RGS7: variants seen among roughly 807,000 people sequenced by gnomAD.
RGS7 encodes the protein regulator of G protein signaling 7.
A neutral mutation model predicts 81.1 loss-of-function variants in RGS7; 27 were observed. That is an observed-to-expected ratio of 0.33 (90% CI 0.25 to 0.46). The LOEUF is 0.46. Among genes scored for constraint, RGS7 ranks in the 20% least tolerant of loss-of-function variants. RGS7 has a pLI of 1.00. For missense variants in RGS7, 396 were observed against 607.4 expected, an observed-to-expected ratio of 0.65 and a Z score of 3.66; for synonymous variants, 208 against 207.7, an observed-to-expected ratio of 1.00 and a Z score of -0.01.
intron 3 of RGS7, among the ~76,000 whole-genome samples, chr1:241,068,846 G>A (rs923436184): frequency 6.6e-6 from 1 of 152,142 alleles, no homozygotes; most frequent in Non-Finnish European, 1.5e-5. Flanking sequence ...GGAGGTGACC[G>A]GATCATGAGG....
intron 3 of RGS7, among the ~76,000 whole-genome samples, chr1:241,036,030 C>T (rs1444062750): frequency 3.9e-5 from 6 of 152,140 alleles, no homozygotes. Context: ...CTTCAAGCCT[C>T]TCAAAGTACC....
At chr1:241,294,516 A>G (rs189726601) in intron 2 of RGS7, among the ~76,000 whole-genome samples, 66 of 152,352 alleles carry the variant, frequency 4.3e-4, no homozygotes, top group Admixed American at 8.5e-4. Flanking sequence ...ATTATTGAAG[A>G]AAAGGAAATT....
intron 2 of RGS7, among the ~76,000 whole-genome samples, chr1:241,193,794 AAAG>A (rs1255264660): frequency 6.6e-6 from 1 of 152,224 alleles, no homozygotes; most frequent in Non-Finnish European, 1.5e-5. Context: ...TGAGATCAGC[AAAG>A]AAGGATTCCC....
At chr1:240,950,749 A>G (rs1679415082) in intron 4 of RGS7, among the ~76,000 whole-genome samples, 1 of 152,194 alleles carries the variant, frequency 6.6e-6, no homozygotes, top group Admixed American at 6.6e-5. Flanking sequence ...TACTTAGAGG[A>G]GCTCAAAGTC....
At chr1:240,842,809 C>A (rs1558338855) in intron 9 of RGS7, among the ~76,000 whole-genome samples, 1 of 151,344 alleles carries the variant, frequency 6.6e-6, no homozygotes, top group Admixed American at 6.6e-5. Context: ...GTTCCATTTT[C>A]TTAATGGCAG....
At chr1:241,020,070 G>A (rs1007526950) in intron 3 of RGS7, among the ~76,000 whole-genome samples, 1 of 152,196 alleles carries the variant, frequency 6.6e-6, no homozygotes, top group Non-Finnish European at 1.5e-5. Context: ...ATGTTAGCAA[G>A]TTACTAAATC....
intron 4 of RGS7, among the ~76,000 whole-genome samples, chr1:240,950,148 G>T (rs1475908201): frequency 6.6e-6 from 1 of 152,144 alleles, no homozygotes; most frequent in Non-Finnish European, 1.5e-5. Context: ...TTGAGACTCA[G>T]TGTGAACTAG....
chr1:240,993,093 A>AGGAAGGAAGGAG (rs201532830), intron 3 of RGS7, among the ~76,000 whole-genome samples: 30 of 85,500 alleles, frequency 3.5e-4, no homozygotes, highest in East Asian at 3.2e-3. Flanking sequence ...GAAGGAAGGA[A>AGGAAGGAAGGAG]GGAGGGAGGG....
intron 4 of RGS7, among the ~76,000 whole-genome samples, chr1:240,941,808 C>G (rs1211584417): frequency 6.6e-6 from 1 of 151,448 alleles, no homozygotes; most frequent in African/African-American, 2.4e-5. Context: ...CGCTGACAAT[C>G]TTGGAACAAA....
intron 2 of RGS7, among the ~76,000 whole-genome samples, chr1:241,162,754 A>G (rs1470518965): frequency 6.6e-6 from 1 of 152,204 alleles, no homozygotes; most frequent in Non-Finnish European, 1.5e-5. Flanking sequence ...CCATCAAGTA[A>G]GCATTATCAT....
At chr1:240,864,880 C>G (rs1662941133) in intron 9 of RGS7, among the ~76,000 whole-genome samples, 1 of 152,142 alleles carries the variant, frequency 6.6e-6, no homozygotes, top group African/African-American at 2.4e-5. Flanking sequence ...CTTGATTGTC[C>G]TCTGTGAGAT....
At chr1:241,227,480 C>T (rs1016411123) in intron 2 of RGS7, among the ~76,000 whole-genome samples, 15 of 149,372 alleles carry the variant, frequency 1.0e-4, no homozygotes, top group African/African-American at 3.7e-4. Context: ...CACCTATAAT[C>T]CTAGCGCTTT....
intron 4 of RGS7, among the ~76,000 whole-genome samples, chr1:240,972,711 CAA>C (rs367714545): frequency 7.1e-5 from 8 of 113,148 alleles, no homozygotes; most frequent in South Asian, 2.9e-4. Context: ...AAAAAAAAAA[CAA>C]AAAAAAAAAC....
At chr1:241,263,655 C>A (rs2077449798) in intron 2 of RGS7, among the ~76,000 whole-genome samples, 1 of 152,076 alleles carries the variant, frequency 6.6e-6, no homozygotes, top group African/African-American at 2.4e-5. Flanking sequence ...TGCTAAGTAC[C>A]CTGACTTGAT....
intron 3 of RGS7, among the ~76,000 whole-genome samples, chr1:241,024,556 G>A (rs1311547487): frequency 1.3e-5 from 2 of 151,986 alleles, no homozygotes; most frequent in Non-Finnish European, 2.9e-5. Flanking sequence ...TATTATTAAG[G>A]GCAAGAAAGA....
At chr1:240,938,923 C>T (rs557360166) in intron 4 of RGS7, among the ~76,000 whole-genome samples, 2 of 152,150 alleles carry the variant, frequency 1.3e-5, no homozygotes, top group Admixed American at 6.5e-5. Flanking sequence ...AGCAACATGC[C>T]TACCTATCCT....
intron 18 of RGS7, among the ~76,000 whole-genome samples, chr1:240,790,658 A>G (rs1685833716): frequency 6.6e-6 from 1 of 152,172 alleles, no homozygotes; most frequent in African/African-American, 2.4e-5. Context: ...AAGAGATGGA[A>G]TGGTCTGCTG....
intron 2 of RGS7, among the ~76,000 whole-genome samples, chr1:241,201,934 T>C (rs1229891427): frequency 6.6e-6 from 1 of 151,838 alleles, no homozygotes; most frequent in African/African-American, 2.4e-5. Flanking sequence ...CCTAAAAGAC[T>C]GCAAGCTCTC....
intron 10 of RGS7, among the ~76,000 whole-genome samples, chr1:240,825,665 C>G (rs1231913605): frequency 6.6e-6 from 1 of 152,164 alleles, no homozygotes; most frequent in African/African-American, 2.4e-5. Context: ...TACAATATTT[C>G]ACCTTGCAAT....
Sources: allele counts gnomAD v4.1 joint callset (sites outside exome capture counted in the v4.1 genomes callset), GRCh38; gene constraint gnomAD v4.1.1; transcripts MANE v1.5; gene names NCBI Gene and HGNC (gene_info 2026-07-23, HGNC 2026-07-21).